The following CACNA1B variants were observed in gnomAD, a reference collection of about 807,000 sequenced individuals.
The protein encoded by CACNA1B is calcium voltage-gated channel subunit alpha1 B, also known as voltage-dependent N-type calcium channel subunit alpha-1B.
A neutral mutation model predicts 247.2 loss-of-function variants in CACNA1B; 70 were observed. The observed-to-expected ratio is 0.28, with a 90% CI of 0.23 to 0.35. The LOEUF (loss-of-function observed/expected upper bound fraction) is 0.35, where lower values mean the gene tolerates loss of function less well. Among genes scored for constraint, CACNA1B ranks in the 10% least tolerant of loss-of-function variants. The pLI, the probability that CACNA1B is intolerant of heterozygous loss-of-function variation, is 1.00. For missense variants in CACNA1B, 2,367 were observed against 3,197.4 expected (o/e 0.74, Z 6.26); for synonymous variants, 1,231 against 1,294.4 (o/e 0.95, Z 1.05).
chr9:138,015,951 T>G (rs1958786197), intron 18 of CACNA1B, among the ~76,000 whole-genome samples: 1 of 151,492 alleles, frequency 6.6e-6, no homozygotes, highest in African/African-American at 2.4e-5. Context: ...CAAATACATA[T>G]AGGCAAGCAC....
intron 11 of CACNA1B, among the ~76,000 whole-genome samples, chr9:137,975,101 G>A (rs893388532): frequency 6.6e-6 from 1 of 152,018 alleles, no homozygotes; most frequent in Non-Finnish European, 1.5e-5. Flanking sequence ...CTTTCTGCTT[G>A]GGCTGGGTGA....
At position 138,123,725 on chromosome 9, in the gene CACNA1B, C is replaced by G. The variant is rs201252959; in HGVS notation, c.*1726C>G. On this transcript the variant is annotated 3_prime_UTR_variant, in exon 47 of 47. Transcript: ENST00000371372. ...ACCGCTGCCTGGTCTCGGGGTTCAG[C>G]ATGATTGTGACCAAACCTTTTTATA... The G allele has an allele frequency of 3.3e-5, 5 of 152,116 alleles. No individual in the cohort carries two copies. The highest frequency in any genetic ancestry group is 7.4e-5 in the Non-Finnish European group (5 of 68,020). The allele number at this position is 152,116 out of a possible 1,614,324, so 9.4% of individuals were successfully genotyped here.
intron 15 of CACNA1B, among the ~76,000 whole-genome samples, chr9:138,004,195 A>G (rs534740304): frequency 6.6e-6 from 1 of 152,260 alleles, no homozygotes; most frequent in South Asian, 2.1e-4. Flanking sequence ...GAGAAGGAAA[A>G]TAGGTAAATG....
rs201742958 is a variant in CACNA1B, at chr9:137,952,260, C to T, written c.967-14C>T. 1 of 1,609,884 alleles carries T rather than the reference C, an allele frequency of 6.2e-7. No individual in the cohort carries two copies. On this transcript the variant is annotated splice_polypyrimidine_tract_variant and intron_variant, in intron 6 of 46. Transcript: ENST00000371372. The surrounding 1 kb of genome is among the most constrained non-coding windows in gnomAD (Gnocchi z 4.8). ...TGTCCCTGTCCTTCCTCATCTCCCT[C>T]TCCTTGCTTCCAGACAAACGATGCG...
intron 6 of CACNA1B, among the ~76,000 whole-genome samples, chr9:137,941,307 C>T (rs1389759496): frequency 1.3e-5 from 2 of 152,046 alleles, no homozygotes; most frequent in African/African-American, 4.8e-5. Flanking sequence ...AAGAACTCAA[C>T]CCCTTTTACA....
In CACNA1B at chr9:138,014,649, G is replaced by T. The variant is rs556914206; in HGVS notation, c.2267+1414G>T. Among the ~76,000 whole-genome samples, 1 of 152,328 alleles carries T rather than the reference G, an allele frequency of 6.6e-6. No homozygotes were observed. The highest frequency in any genetic ancestry group is 2.1e-4 in the South Asian group (1 of 4,824). ...TGTGAGCTCTGCAGGTGGGTGGTCT[G>T]CAGTAGATGGGGCGAGTGGTGTGTT... On this transcript the variant is annotated intron_variant, in intron 18 of 46. Coordinates refer to ENST00000371372, the MANE Select transcript of CACNA1B (RefSeq NM_000718.4). This position sits in a 1 kb window ranked among gnomAD's most constrained non-coding sequence, Gnocchi z 6.2.
chr9:138,071,685 T>G (rs905142661), intron 32 of CACNA1B, among the ~76,000 whole-genome samples: 1 of 152,158 alleles, frequency 6.6e-6, no homozygotes, highest in African/African-American at 2.4e-5. Context: ...TTAAGTAATT[T>G]GGACAAACTG....
chr9:137,897,640 C>T (rs993787835), intron 3 of CACNA1B, among the ~76,000 whole-genome samples: 1 of 152,270 alleles, frequency 6.6e-6, no homozygotes, highest in African/African-American at 2.4e-5. Flanking sequence ...GTATACTACA[C>T]ATTTTAATAT....
chr9:137,987,814 C>T (rs533906434), intron 15 of CACNA1B, among the ~76,000 whole-genome samples: 3 of 152,356 alleles, frequency 2.0e-5, no homozygotes, highest in Admixed American at 6.5e-5. Context: ...TCCCCTTTCT[C>T]ACATCTTCCC....
At chr9:137,887,348 A>ACAGGGG (rs1957030514) in intron 3 of CACNA1B, among the ~76,000 whole-genome samples, 1 of 151,154 alleles carries the variant, frequency 6.6e-6, no homozygotes. Context: ...AGGCAGAGTG[A>ACAGGGG]CAGGGGCAGG....
chr9:138,048,009 T>C (rs1213740090), intron 23 of CACNA1B, among the ~76,000 whole-genome samples: 2 of 152,140 alleles, frequency 1.3e-5, no homozygotes, highest in Non-Finnish European at 2.9e-5. Context: ...GCCTTCAGTG[T>C]GGTTGAGTGT....
intron 10 of CACNA1B, among the ~76,000 whole-genome samples, chr9:137,970,223 C>G (rs1958130324): frequency 6.6e-6 from 1 of 152,146 alleles, no homozygotes; most frequent in South Asian, 2.1e-4. Context: ...TGCTCAAGCC[C>G]AGGTATTCAA....
At position 138,013,227 on chromosome 9, in the gene CACNA1B, C is replaced by T. The variant is rs745758319; in HGVS notation, c.2259C>T (p.Ser753=). 5 of 1,593,778 alleles carry T rather than the reference C, an allele frequency of 3.1e-6. No individual in the cohort carries two copies. Among genetic ancestry groups the T allele is most frequent in the Non-Finnish European group, 4.3e-6 (5 of 1,170,366 alleles). Residue 753 remains serine (S), a synonymous_variant, in exon 18 of 47, where the codon TCC becomes TCT. Transcript: ENST00000371372. ...EVSPMSAANI[S]IAARQQNSAK... ...GCCCCATGTCTGCCGCGAACATCTC[C>T]ATCGCCGCGTAAGGCTCCTAGGAGT...
At position 137,990,756 on chromosome 9, in the gene CACNA1B, G is replaced by GA. The variant is rs1380748551; in HGVS notation, c.1974+3904dup. On this transcript the variant is annotated intron_variant, in intron 15 of 46. Coordinates refer to ENST00000371372, the MANE Select transcript of CACNA1B (RefSeq NM_000718.4). This position sits in a 1 kb window ranked among gnomAD's most constrained non-coding sequence, Gnocchi z 4.5. ...GCTGGTATCCGCACCTGAAAGACCT[G>GA]AAGATGGATCACATCACAGGACTCT... is the stretch of plus-strand genomic sequence containing the variant. Among the ~76,000 whole-genome samples, 3 of 152,196 alleles carry GA rather than the reference G, an allele frequency of 2.0e-5. No individual in the cohort carries two copies. Among genetic ancestry groups the GA allele is most frequent in the African/African-American group, 7.2e-5 (3 of 41,440 alleles).
intron 10 of CACNA1B, among the ~76,000 whole-genome samples, chr9:137,963,923 A>G (rs901904069): frequency 1.2e-4 from 19 of 152,204 alleles, no homozygotes; most frequent in Admixed American, 5.2e-4. Context: ...TGCTTGCCTG[A>G]AAAGGATCTT....
At chr9:138,031,663 G>A (rs951722578) in intron 20 of CACNA1B, among the ~76,000 whole-genome samples, 2 of 152,112 alleles carry the variant, frequency 1.3e-5, no homozygotes, top group Non-Finnish European at 2.9e-5. Context: ...AAGTTTTTGC[G>A]TCATGTGTTT....
At chr9:138,026,395 C>T (rs150953004) in intron 20 of CACNA1B, among the ~76,000 whole-genome samples, 279 of 152,276 alleles carry the variant, frequency 1.8e-3, no homozygotes, top group African/African-American at 6.3e-3. Context: ...CTTTTATCTG[C>T]AGGAATCCAG....
chr9:138,015,762 C>G (rs776151866), intron 18 of CACNA1B, among the ~76,000 whole-genome samples: 18 of 152,176 alleles, frequency 1.2e-4, no homozygotes, highest in Non-Finnish European at 2.2e-4. Flanking sequence ...CAGTGCTGTG[C>G]GTATCCTGGG....
Position 137,971,920 on chromosome 9 carries a change from G to A in CACNA1B, c.1543+328G>A, listed in dbSNP as rs1486182636. Among the ~76,000 whole-genome samples, 1 of 152,124 alleles carries A rather than the reference G, an allele frequency of 6.6e-6. No homozygotes were observed. Among genetic ancestry groups the A allele is most frequent in the African/African-American group, 2.4e-5 (1 of 41,418 alleles). On this transcript the variant is annotated intron_variant, in intron 11 of 46. Coordinates refer to ENST00000371372, the MANE Select transcript of CACNA1B (RefSeq NM_000718.4). The surrounding 1 kb of genome is among the most constrained non-coding windows in gnomAD (Gnocchi z 4.4). ...TGTGGGACGACCAGGGGCGAGTCAG[G>A]CCAGGCAGATGGGTGTCCTCCCCTG...
Sources: gnomAD v4.1 joint callset for allele counts (sites outside exome capture counted in the v4.1 genomes callset) on GRCh38, gnomAD v4.1.1 for gene constraint, Gnocchi (gnomAD v3.1) non-coding constraint, MANE v1.5 for transcripts, NCBI Gene and HGNC (gene_info 2026-07-23, HGNC 2026-07-21) for gene names.